THSD7B: variants seen among roughly 807,000 people sequenced by gnomAD.
THSD7B encodes the protein thrombospondin type-1 domain-containing protein 7B.
THSD7B carries 138 observed loss-of-function variants against 213.6 expected under a neutral mutation model. The ratio of observed to expected loss-of-function variants is 0.65; its 90% CI spans 0.56 to 0.74. The LOEUF (loss-of-function observed/expected upper bound fraction) is 0.74, where lower values mean the gene tolerates loss of function less well. THSD7B is among the 30% of genes least tolerant of loss of function. The pLI, the probability that THSD7B is intolerant of heterozygous loss-of-function variation, is 0.00. For missense variants in THSD7B, 1,931 were observed against 1,991.5 expected, an observed-to-expected ratio of 0.97 and a Z score of 0.58; for synonymous variants, 742 against 687.0, an observed-to-expected ratio of 1.08 and a Z score of -1.25.
chr2:136,987,843 G>T (rs1685696602), intron 2 of THSD7B, among the ~76,000 whole-genome samples: 1 of 151,906 alleles, frequency 6.6e-6, no homozygotes, highest in African/African-American at 2.4e-5. Flanking sequence ...TTCTCTTCTG[G>T]GAAACTCCAG....
intron 2 of THSD7B, among the ~76,000 whole-genome samples, chr2:136,969,543 C>T (rs938727247): frequency 1.3e-5 from 2 of 152,068 alleles, no homozygotes; most frequent in Non-Finnish European, 2.9e-5. Context: ...TCAATTCATC[C>T]TATGTATTTT....
intron 10 of THSD7B, among the ~76,000 whole-genome samples, chr2:137,252,266 CAAAAAAAAAAA>C (rs1182130976): frequency 3.4e-5 from 2 of 59,688 alleles, no homozygotes; most frequent in Admixed American, 2.8e-4. Flanking sequence ...GACTCTGTCT[CAAAAAAAAAAA>C]AAAAAAAAAA....
At chr2:137,244,894 T>C (rs1681991186) in intron 10 of THSD7B, among the ~76,000 whole-genome samples, 2 of 152,206 alleles carry the variant, frequency 1.3e-5, no homozygotes, top group South Asian at 2.1e-4. Flanking sequence ...ATTGTATCTA[T>C]AAGCCTATGG....
intron 15 of THSD7B, among the ~76,000 whole-genome samples, chr2:137,462,195 T>G (rs1318377803): frequency 6.6e-6 from 1 of 152,092 alleles, no homozygotes; most frequent in Non-Finnish European, 1.5e-5. Flanking sequence ...CTTTGTCCAG[T>G]GTCTCCATGC....
intron 2 of THSD7B, among the ~76,000 whole-genome samples, chr2:136,972,302 A>G (rs555358758): frequency 6.6e-6 from 1 of 152,312 alleles, no homozygotes; most frequent in Non-Finnish European, 1.5e-5. Context: ...AAGATATTAA[A>G]ATATAATTAT....
chr2:137,499,982 G>A lies in THSD7B; in HGVS notation c.3138+48959G>A, dbSNP rs1206063268. On this transcript the variant is annotated intron_variant, in intron 15 of 27. Coordinates refer to ENST00000409968, the MANE Select transcript of THSD7B (RefSeq NM_001316349.2). The stretch of plus-strand genomic sequence containing the variant: ...TCTACATTAAAAGGAATGCAGATTA[G>A]AAGAAATATACGATGATAAAGGACT... 6.6e-5 allele frequency among the ~76,000 whole-genome samples: 10 copies of A among 152,258 alleles called. No homozygotes were observed. In the East Asian group the frequency reaches 1.9e-3, roughly 29 times the overall value.
At chr2:137,338,757 A>G (rs1488202322) in intron 12 of THSD7B, among the ~76,000 whole-genome samples, 1 of 152,102 alleles carries the variant, frequency 6.6e-6, no homozygotes, top group Admixed American at 6.5e-5. Flanking sequence ...TGAATCTGAC[A>G]CACTAAGACA....
At chr2:136,849,772 A>ATTT (rs1683067646) in intron 1 of THSD7B, among the ~76,000 whole-genome samples, 22 of 152,154 alleles carry the variant, frequency 1.4e-4, no homozygotes, top group Admixed American at 1.2e-3. Flanking sequence ...ATTTAGAAAA[A>ATTT]TTGTTTAGAT....
intron 16 of THSD7B, among the ~76,000 whole-genome samples, chr2:137,571,320 A>G (rs1394856433): frequency 6.6e-5 from 10 of 152,168 alleles, no homozygotes; most frequent in African/African-American, 2.4e-5. Context: ...TAATATATTT[A>G]TAGGTTATAC....
chr2:136,905,284 T>C (rs1216345151), intron 2 of THSD7B, among the ~76,000 whole-genome samples: 2 of 152,158 alleles, frequency 1.3e-5, no homozygotes, highest in East Asian at 1.9e-4. Flanking sequence ...ATGGTACTTA[T>C]TGTGTTCTAG....
At chr2:137,114,454 A>C (rs1688409077) in intron 4 of THSD7B, among the ~76,000 whole-genome samples, 1 of 152,198 alleles carries the variant, frequency 6.6e-6, no homozygotes, top group African/African-American at 2.4e-5. Context: ...GTATGTGTGT[A>C]TTTGAGTATT....
chr2:137,270,615 G>A (rs1222135390), intron 10 of THSD7B, among the ~76,000 whole-genome samples: 2 of 152,112 alleles, frequency 1.3e-5, no homozygotes, highest in Non-Finnish European at 2.9e-5. Flanking sequence ...TTGATGACAC[G>A]ACATTGGGAG....
At position 136,882,242 on chromosome 2, in the gene THSD7B, C is replaced by T; in HGVS notation, c.64C>T (p.Leu22=). 6.5e-7 allele frequency: 1 copy of T among 1,545,326 alleles called. No individual in the cohort carries two copies. The highest frequency in any genetic ancestry group is 8.7e-7 in the Non-Finnish European group (1 of 1,144,716). The change falls in exon 2 of 28, where the codon CTA becomes TTA. Residue 22 remains leucine, a synonymous_variant. Coordinates refer to ENST00000409968, the MANE Select transcript of THSD7B (RefSeq NM_001316349.2). Reference sequence around the variant, plus strand: ...ATGGAGGAGCATGAGGAAGCTCTTTCTATTGCTTTCTCTCTTGCTGTCCCA... The same window carrying T: ...ATGGAGGAGCATGAGGAAGCTCTTTTTATTGCTTTCTCTCTTGCTGTCCCA... ...WVWRSMRKLF[L]LLSLLLSHAA... is the part of the protein sequence containing the mutation.
At chr2:137,561,383 A>G (rs1369097346) in intron 15 of THSD7B, among the ~76,000 whole-genome samples, 1 of 152,206 alleles carries the variant, frequency 6.6e-6, no homozygotes, top group Non-Finnish European at 1.5e-5. Context: ...CTTTCATTTC[A>G]GAGAGTTTAT....
chr2:137,365,687 T>G (rs1475190281), intron 12 of THSD7B, among the ~76,000 whole-genome samples: 1 of 152,102 alleles, frequency 6.6e-6, no homozygotes, highest in African/African-American at 2.4e-5. Flanking sequence ...AAAACCACAA[T>G]GAGATACCAT....
At chr2:137,441,429 A>AG (rs1687409744) in intron 14 of THSD7B, among the ~76,000 whole-genome samples, 1 of 152,092 alleles carries the variant, frequency 6.6e-6, no homozygotes, top group Admixed American at 6.6e-5. Flanking sequence ...TGTCTTCTTA[A>AG]TTTAATTTGT....
intron 2 of THSD7B, among the ~76,000 whole-genome samples, chr2:136,901,230 A>T (rs1014567177): frequency 3.3e-5 from 5 of 152,232 alleles, no homozygotes; most frequent in Non-Finnish European, 5.9e-5. Flanking sequence ...GTGCTGTGAG[A>T]GTTACAAAGC....
At chr2:137,407,486 A>G (rs566246207) in intron 13 of THSD7B, among the ~76,000 whole-genome samples, 2 of 152,138 alleles carry the variant, frequency 1.3e-5, no homozygotes, top group South Asian at 2.1e-4. Flanking sequence ...TCACTGTTGG[A>G]AAAAAATCCC....
At chr2:137,023,412 AT>A (rs1558890707) in intron 2 of THSD7B, among the ~76,000 whole-genome samples, 1 of 152,090 alleles carries the variant, frequency 6.6e-6, no homozygotes, top group African/African-American at 2.4e-5. Flanking sequence ...CCTGTAGCGG[AT>A]AACCTGTATT....
Sources: allele counts gnomAD v4.1 joint callset (sites outside exome capture counted in the v4.1 genomes callset), GRCh38; gene constraint gnomAD v4.1.1; transcripts MANE v1.5; gene names NCBI Gene and HGNC (gene_info 2026-07-23, HGNC 2026-07-21).